Variants in CDH13 observed in about 807,000 individuals in gnomAD.
CDH13 encodes the protein cadherin-13.
In CDH13, 24 loss-of-function variants were observed where a neutral mutation model predicts 63.8. The observed-to-expected ratio is 0.38, with a 90% CI of 0.27 to 0.53. The LOEUF is 0.53. Among genes scored for constraint, CDH13 ranks in the 20% least tolerant of loss-of-function variants. CDH13 has a pLI of 0.85. For synonymous variants in CDH13, 503 were observed against 355.3 expected, an observed-to-expected ratio of 1.42 and a Z score of -4.67; for missense variants, 1,049 against 903.1, an observed-to-expected ratio of 1.16 and a Z score of -2.07.
At chr16:83,566,988 T>A (rs1904286545) in intron 7 of CDH13, among the ~76,000 whole-genome samples, 1 of 152,308 alleles carries the variant, frequency 6.6e-6, no homozygotes, top group South Asian at 2.1e-4. Context: ...CCCTGGGAGA[T>A]TTACCATCTG....
At chr16:83,024,974 A>G (rs904961170) in intron 2 of CDH13, among the ~76,000 whole-genome samples, 1 of 152,136 alleles carries the variant, frequency 6.6e-6, no homozygotes, top group East Asian at 1.9e-4. Context: ...TGTAGTAACC[A>G]TTTCCATGGC....
intron 5 of CDH13, among the ~76,000 whole-genome samples, chr16:83,239,442 G>C (rs141424822): frequency 2.0e-5 from 3 of 152,294 alleles, no homozygotes; most frequent in Admixed American, 6.5e-5. Flanking sequence ...ATATTCACAT[G>C]ACTGTCTTTA....
chr16:82,927,490 G>T (rs991546984), intron 2 of CDH13, among the ~76,000 whole-genome samples: 3 of 152,106 alleles, frequency 2.0e-5, no homozygotes, highest in African/African-American at 7.2e-5. Context: ...GAGGCTGCGG[G>T]TATTTAGAAG....
rs16957949 is a variant in CDH13 at position 82,644,197 on chromosome 16, C to T, written c.45+17060C>T. On this transcript the variant is annotated intron_variant, in intron 1 of 13. Coordinates refer to ENST00000567109, the MANE Select transcript of CDH13 (RefSeq NM_001257.5). The surrounding 1 kb of genome is among the most constrained non-coding windows in gnomAD (Gnocchi z 5.7). Reference sequence around the variant, plus strand: ...AACATGAATGTTTGGCACCCTTTGGCTGGTGCGGCTGAAGAATTCAATAGC... The same window carrying T: ...AACATGAATGTTTGGCACCCTTTGGTTGGTGCGGCTGAAGAATTCAATAGC... 0.42 allele frequency among the ~76,000 whole-genome samples: 63,125 copies of T among 152,006 alleles called. 13,674 individuals are homozygous for T. Among genetic ancestry groups the T allele is most frequent in the Non-Finnish European group, 0.47 (32,244 of 67,980 alleles).
Position 83,795,886 on chromosome 16 carries a change from C to G in CDH13, c.*856C>G, listed in dbSNP as rs1386714555. The G allele has an allele frequency of 6.6e-6, 1 of 152,618 alleles. No homozygotes were observed. Among genetic ancestry groups the G allele is most frequent in the Non-Finnish European group, 1.5e-5 (1 of 68,050 alleles). The allele number at this position is 152,618 out of a possible 1,614,324, so 9.5% of individuals were successfully genotyped here. On this transcript the variant is annotated 3_prime_UTR_variant, in exon 14 of 14. Transcript: ENST00000567109. ...GGGGACACAGATCATGGTAGAGAAT[C>G]TCTCCCTCCTCAGTAAATGTACAAC...
chr16:82,819,999 G>C (rs1257418478), intron 1 of CDH13, among the ~76,000 whole-genome samples: 3 of 152,070 alleles, frequency 2.0e-5, no homozygotes, highest in Non-Finnish European at 2.9e-5. Context: ...GAGAGACAGC[G>C]GCAGCAGTAG....
At chr16:83,482,145 G>T (rs13336833) in intron 6 of CDH13, among the ~76,000 whole-genome samples, 56,364 of 152,024 alleles carry the variant, frequency 0.37, 11,111 homozygotes, top group African/African-American at 0.51. Flanking sequence ...CATTCTTCTT[G>T]GAAGACAAGG....
intron 1 of CDH13, among the ~76,000 whole-genome samples, chr16:82,751,207 C>A (rs1010107615): frequency 6.6e-6 from 1 of 152,224 alleles, no homozygotes; most frequent in Non-Finnish European, 1.5e-5. Context: ...AGGGCAGATT[C>A]ATGGGCTTGC....
chr16:83,227,300 G>C (rs527528920), intron 5 of CDH13, among the ~76,000 whole-genome samples: 1 of 152,322 alleles, frequency 6.6e-6, no homozygotes, highest in Admixed American at 6.5e-5. Flanking sequence ...GGTCACCGTG[G>C]TGACATCTCC....
chr16:83,609,033 T>C (rs1598364037), intron 8 of CDH13, among the ~76,000 whole-genome samples: 1 of 152,192 alleles, frequency 6.6e-6, no homozygotes, highest in East Asian at 1.9e-4. Flanking sequence ...AACTTTTTTT[T>C]TGTTTTTGCT....
chr16:82,815,562 C>T (rs114090932), intron 1 of CDH13, among the ~76,000 whole-genome samples: 6,009 of 152,170 alleles, frequency 0.039, 390 homozygotes, highest in African/African-American at 0.13. Flanking sequence ...TCATTAAAGC[C>T]CACTGCTCTC....
intron 3 of CDH13, among the ~76,000 whole-genome samples, chr16:83,070,275 C>T (rs977449737): frequency 3.3e-5 from 5 of 152,194 alleles, no homozygotes; most frequent in Non-Finnish European, 7.3e-5. Flanking sequence ...ATACAAGCCA[C>T]TATCAACTTG....
chr16:82,941,046 C>T (rs1904280816), intron 2 of CDH13, among the ~76,000 whole-genome samples: 1 of 152,086 alleles, frequency 6.6e-6, no homozygotes, highest in African/African-American at 2.4e-5. Flanking sequence ...CGGGGAACTT[C>T]TGGCAAACGA....
At chr16:83,297,751 C>G (rs1429816393) in intron 5 of CDH13, among the ~76,000 whole-genome samples, 6 of 152,128 alleles carry the variant, frequency 3.9e-5, no homozygotes, top group African/African-American at 1.4e-4. Flanking sequence ...AATATATATC[C>G]TATGGATGAA....
intron 3 of CDH13, among the ~76,000 whole-genome samples, chr16:83,087,211 A>G (rs532514786): frequency 2.6e-5 from 4 of 152,316 alleles, no homozygotes; most frequent in Non-Finnish European, 4.4e-5. Context: ...CATGTAGGAA[A>G]CTGATCAATG....
chr16:82,821,647 C>T (rs541947468), intron 1 of CDH13, among the ~76,000 whole-genome samples: 1 of 152,326 alleles, frequency 6.6e-6, no homozygotes, highest in South Asian at 2.1e-4. Context: ...GATGTCTCAA[C>T]TACAAACATG....
chr16:83,058,374 G>T (rs1013701039), intron 3 of CDH13, among the ~76,000 whole-genome samples: 5 of 152,218 alleles, frequency 3.3e-5, no homozygotes, highest in African/African-American at 1.2e-4. Flanking sequence ...AATTCTTCAA[G>T]AAAAGTGTTT....
intron 2 of CDH13, among the ~76,000 whole-genome samples, chr16:83,014,740 A>AT (rs1448100620): frequency 5.7e-4 from 20 of 34,954 alleles, no homozygotes; most frequent in African/African-American, 1.5e-3. Context: ...AAAAAAAAAA[A>AT]AAAATATATA....
At chr16:82,716,851 TG>T (rs1207589697) in intron 1 of CDH13, among the ~76,000 whole-genome samples, 7 of 151,978 alleles carry the variant, frequency 4.6e-5, no homozygotes, top group South Asian at 2.1e-4. Flanking sequence ...CTTTGTCCTT[TG>T]CCTCAAGCAG....
Sources: allele counts gnomAD v4.1 joint callset (sites outside exome capture counted in the v4.1 genomes callset), GRCh38; gene constraint gnomAD v4.1.1; non-coding constraint Gnocchi (gnomAD v3.1); transcripts MANE v1.5; gene names NCBI Gene and HGNC (gene_info 2026-07-23, HGNC 2026-07-21).